MAGI1: variants seen among roughly 807,000 people sequenced by gnomAD.
MAGI1 encodes membrane associated guanylate kinase, WW and PDZ domain containing 1.
MAGI1 carries 58 observed loss-of-function variants against 139.9 expected under a neutral mutation model. The ratio of observed to expected loss-of-function variants is 0.41; its 90% confidence interval spans 0.34 to 0.52. The LOEUF (loss-of-function observed/expected upper bound fraction) is 0.52, where lower values mean the gene tolerates loss of function less well. MAGI1 is among the 20% of genes least tolerant of loss of function. The pLI is 0.12. For synonymous variants in MAGI1, 812 were observed against 737.9 expected (o/e 1.10, Z -1.63); for missense variants, 1,874 against 1,901.6 (o/e 0.99, Z 0.27).
intron 1 of MAGI1, among the ~76,000 whole-genome samples, chr3:65,939,683 T>C (rs886955119): frequency 1.1e-4 from 16 of 152,164 alleles, no homozygotes; most frequent in African/African-American, 3.6e-4. Context: ...CCCTGGACTG[T>C]GTCATCTGCA....
At chr3:65,586,447 A>C (rs1435113226) in intron 2 of MAGI1, among the ~76,000 whole-genome samples, 1 of 152,182 alleles carries the variant, frequency 6.6e-6, no homozygotes, top group Non-Finnish European at 1.5e-5. Flanking sequence ...TAGTATTATT[A>C]TTCTATAGTT....
chr3:65,627,311 C>T (rs60581715), intron 1 of MAGI1, among the ~76,000 whole-genome samples: 6,800 of 152,030 alleles, frequency 0.045, 273 homozygotes, highest in African/African-American at 0.11. Context: ...ACTAAATCAC[C>T]TAAGGCCACA....
At chr3:65,962,045 T>C (rs1377447689) in intron 1 of MAGI1, among the ~76,000 whole-genome samples, 2 of 152,038 alleles carry the variant, frequency 1.3e-5, no homozygotes, top group Admixed American at 1.3e-4. Flanking sequence ...TCTCCTCCTA[T>C]CCGTCATATC....
chr3:65,876,355 C>A (rs144747391), intron 1 of MAGI1, among the ~76,000 whole-genome samples: 1 of 151,560 alleles, frequency 6.6e-6, no homozygotes, highest in Non-Finnish European at 1.5e-5. Flanking sequence ...CCACCCCCCC[C>A]AAAAAAGGCA....
At chr3:65,477,845 C>T (rs1045507408) in intron 4 of MAGI1, among the ~76,000 whole-genome samples, 4 of 151,384 alleles carry the variant, frequency 2.6e-5, no homozygotes, top group African/African-American at 7.3e-5. Context: ...CAAATGGTAC[C>T]CCCTGGAGTT....
chr3:65,996,204 T>C (rs1431972512), intron 1 of MAGI1, among the ~76,000 whole-genome samples: 1 of 152,052 alleles, frequency 6.6e-6, no homozygotes, highest in Non-Finnish European at 1.5e-5. Context: ...ATGAAAATAA[T>C]TACAGCACCT....
rs749789614 is a variant in MAGI1 at position 65,375,868 on chromosome 3, T to G, written c.3073A>C (p.Lys1025Gln). The change falls in exon 18 of 23, where the codon AAA becomes CAA. Residue 1025 changes from lysine (K) to glutamine (Q), a missense_variant. Physicochemically the swap from Lys to Gln is moderately conservative, Grantham distance 53. This residue lies in a region of MAGI1 where 653 missense variants were observed against 644.5 expected (regional missense o/e 1.01). Coordinates refer to ENST00000402939, the MANE Select transcript of MAGI1 (RefSeq NM_001033057.2). ...ACTGCCAAGATCCGGTCTCCTACTTTCAGCTTGCCACAGCGGTCAGCAGGG... is the reference window on the plus strand; with the variant it reads ...ACTGCCAAGATCCGGTCTCCTACTTGCAGCTTGCCACAGCGGTCAGCAGGG... Reference protein sequence around the residue: ...GSPADRCGKLKVGDRILAVNG... With the variant: ...GSPADRCGKLQVGDRILAVNG... 1 of 1,614,206 alleles carries G rather than the reference T, an allele frequency of 6.2e-7. No homozygotes were observed. The highest frequency in any genetic ancestry group is 1.7e-5 in the Admixed American group (1 of 60,024).
At chr3:65,415,544 C>T (rs1351726969) in intron 12 of MAGI1, among the ~76,000 whole-genome samples, 4 of 152,198 alleles carry the variant, frequency 2.6e-5, no homozygotes, top group African/African-American at 9.6e-5. Flanking sequence ...GAGACCCTCA[C>T]AGCTGACTAC....
chr3:65,426,733 T>C (rs1265357748), intron 12 of MAGI1, among the ~76,000 whole-genome samples: 1 of 152,188 alleles, frequency 6.6e-6, no homozygotes. Context: ...AACAGATATA[T>C]TTATATGCCT....
intron 2 of MAGI1, among the ~76,000 whole-genome samples, chr3:65,600,128 A>G (rs748517333): frequency 3.3e-5 from 5 of 152,254 alleles, no homozygotes; most frequent in Non-Finnish European, 5.9e-5. Context: ...ATGCTGAAAA[A>G]TGGAATTTGT....
chr3:65,482,361 C>T (rs1951344013), intron 3 of MAGI1, among the ~76,000 whole-genome samples: 1 of 152,220 alleles, frequency 6.6e-6, no homozygotes, highest in Non-Finnish European at 1.5e-5. Flanking sequence ...TGTTTTCAGT[C>T]TTTAAAATGA....
At chr3:65,539,133 C>T (rs1369265050) in intron 2 of MAGI1, among the ~76,000 whole-genome samples, 2 of 151,924 alleles carry the variant, frequency 1.3e-5, no homozygotes, top group East Asian at 3.9e-4. Context: ...GTCAAACAGA[C>T]ACATGTACCA....
intron 1 of MAGI1, among the ~76,000 whole-genome samples, chr3:65,932,254 A>G (rs2062837996): frequency 6.6e-6 from 1 of 152,144 alleles, no homozygotes; most frequent in Admixed American, 6.5e-5. Flanking sequence ...TTCGAAGACT[A>G]TGGATTATGT....
At chr3:65,687,897 C>A (rs895018266) in intron 1 of MAGI1, 9 of 650,522 alleles carry the variant, frequency 1.4e-5, no homozygotes, top group Non-Finnish European at 2.1e-5. Flanking sequence ...CAAGGTATTG[C>A]AGGGTGCCTT....
chr3:65,614,732 G>A (rs1483777815), intron 2 of MAGI1, among the ~76,000 whole-genome samples: 1 of 152,094 alleles, frequency 6.6e-6, no homozygotes, highest in East Asian at 1.9e-4. Flanking sequence ...TACTGACAAA[G>A]AGTGATGAAT....
chr3:65,880,497 A>C (rs2060280723), intron 1 of MAGI1, among the ~76,000 whole-genome samples: 1 of 152,190 alleles, frequency 6.6e-6, no homozygotes. Context: ...TGGTATCACC[A>C]AAGGAGAGCT....
intron 12 of MAGI1, among the ~76,000 whole-genome samples, chr3:65,402,112 T>A (rs73127503): frequency 1.3e-5 from 2 of 152,176 alleles, no homozygotes; most frequent in African/African-American, 2.4e-5. Flanking sequence ...AGCACATGTC[T>A]GTCTCAACGT....
In MAGI1 at chr3:65,713,067, A is replaced by T. The variant is rs2372187; in HGVS notation, c.314-90979T>A. Among the ~76,000 whole-genome samples, 201 of 152,338 alleles carry T rather than the reference A, an allele frequency of 1.3e-3. 5 individuals carry two copies. The East Asian group carries it at 0.026, about 20-fold the overall frequency. ...AATACAGCCTAAGCTTTCAAAATGCAGTAAAGACAGAAAGTCCTAGAGAGA... is the reference window on the plus strand; with the variant it reads ...AATACAGCCTAAGCTTTCAAAATGCTGTAAAGACAGAAAGTCCTAGAGAGA... On this transcript the variant is annotated intron_variant, in intron 1 of 22. Transcript: ENST00000402939.
chr3:65,405,568 C>G (rs1185262761), intron 12 of MAGI1, among the ~76,000 whole-genome samples: 2 of 151,710 alleles, frequency 1.3e-5, no homozygotes, highest in African/African-American at 2.4e-5. Flanking sequence ...TACATATCCA[C>G]AGATACCACA....
Sources: allele counts gnomAD v4.1 joint callset (sites outside exome capture counted in the v4.1 genomes callset), GRCh38; gene constraint gnomAD v4.1.1; regional missense constraint gnomAD v4.1.1; transcripts MANE v1.5; gene names NCBI Gene and HGNC (gene_info 2026-07-23, HGNC 2026-07-21).